TMEM252: variants seen among roughly 807,000 people sequenced by gnomAD.
TMEM252 encodes the protein transmembrane protein C9orf71.
Under a neutral mutation model 6.4 loss-of-function variants are expected in TMEM252, and 4 were observed. The observed-to-expected ratio is 0.62, with a 90% CI of 0.31 to 1.43. TMEM252 has a LOEUF of 1.43. Among genes scored for constraint, TMEM252 ranks in the 40% most tolerant of loss-of-function variants. The probability of loss-of-function intolerance (pLI) is 0.07; values close to 1 mark genes in which losing one functional copy is unlikely to be tolerated. For synonymous variants in TMEM252, 85 were observed against 82.5 expected (o/e 1.03, Z -0.17); for missense variants, 207 against 209.4 (o/e 0.99, Z 0.07).
chr9:68,538,326 T>C (rs1003399393), intron 1 of TMEM252, among the ~76,000 whole-genome samples: 2 of 152,232 alleles, frequency 1.3e-5, no homozygotes, highest in Non-Finnish European at 2.9e-5. Context: ...GGAGTGTTTA[T>C]GGTGTGTAAC....
At chr9:68,540,072 G>C (rs1326260904) in intron 1 of TMEM252, among the ~76,000 whole-genome samples, 5 of 152,176 alleles carry the variant, frequency 3.3e-5, no homozygotes, top group African/African-American at 1.2e-4. Context: ...CACCTAAAAG[G>C]ACAGTAAACT....
chr9:68,538,081 A>G (rs1825162985), intron 1 of TMEM252, among the ~76,000 whole-genome samples: 1 of 152,274 alleles, frequency 6.6e-6, no homozygotes. Context: ...AATGATATCA[A>G]CTGACAACTT....
Position 68,537,280 on chromosome 9 carries a change from C to G in TMEM252, c.492G>C (p.Gln164His), listed in dbSNP as rs1438817062. 6.2e-7 allele frequency: 1 copy of G among 1,603,128 alleles called. No homozygotes were observed. Among genetic ancestry groups the G allele is most frequent in the Non-Finnish European group, 8.5e-7 (1 of 1,176,706 alleles). ...LVVTAISEDA[Q>H]RRGQEC ...TGCCTCAGCACTCTTGGCCTCGCCT[C>G]TGGGCGTCCTCTGAGATTGCTGTCA... The change falls in exon 2 of 2, where the codon CAG becomes CAC. Residue 164 changes from glutamine to histidine, a missense_variant. Gln to His is a conservative substitution (Grantham distance 24). Coordinates refer to ENST00000377311, the MANE Select transcript of TMEM252 (RefSeq NM_153237.2).
intron 1 of TMEM252, among the ~76,000 whole-genome samples, chr9:68,540,103 G>A (rs942955966): frequency 6.6e-6 from 1 of 152,202 alleles, no homozygotes; most frequent in African/African-American, 2.4e-5. Context: ...TGAGCTCACA[G>A]AGATTCCAGG....
At chr9:68,537,976 C>T (rs1825161893) in intron 1 of TMEM252, among the ~76,000 whole-genome samples, 1 of 152,200 alleles carries the variant, frequency 6.6e-6, no homozygotes, top group Admixed American at 6.5e-5. Flanking sequence ...TGTGCTGATC[C>T]CTGAACTATA....
rs199870957 is a variant in TMEM252, at chr9:68,540,533, G to A, written c.278+4C>T. 285 of 1,613,414 alleles carry A rather than the reference G, an allele frequency of 1.8e-4. 1 individual carries two copies. The East Asian group carries it at 5.6e-3, about 32-fold the overall frequency. ...TCTTGGTCCCTCTGCCTGTCAGCACGTACCTGTCTACTGTGGCCACGGGCA... is the reference window on the plus strand; with the variant it reads ...TCTTGGTCCCTCTGCCTGTCAGCACATACCTGTCTACTGTGGCCACGGGCA... On this transcript the variant is annotated splice_donor_region_variant and intron_variant, in intron 1 of 1. Coordinates refer to ENST00000377311, the MANE Select transcript of TMEM252 (RefSeq NM_153237.2).
Position 68,537,268 on chromosome 9 carries a change from T to C in TMEM252, c.504A>G (p.Gln168=). Residue 168 remains glutamine, a synonymous_variant, in exon 2 of 2, where the codon CAA becomes CAG. Transcript: ENST00000377311. ...AISEDAQRRG[Q]EC is the part of the protein sequence containing the mutation. ...GAGAGCTTTCTCTGCCTCAGCACTC[T>C]TGGCCTCGCCTCTGGGCGTCCTCTG... 2 of 1,605,032 alleles carry C rather than the reference T, an allele frequency of 1.2e-6. No homozygotes were observed. Among genetic ancestry groups the C allele is most frequent in the Non-Finnish European group, 1.7e-6 (2 of 1,177,024 alleles).
At chr9:68,537,544 C>CTAAAT in intron 1 of TMEM252, 51 bp from the exon 2 acceptor site, 1 of 1,450,140 alleles carries the variant, frequency 6.9e-7, no homozygotes, top group Non-Finnish European at 9.4e-7. Context: ...GCATTAATGC[C>CTAAAT]AAAGAGGCAG....
At chr9:68,538,020 G>A (rs939952426) in intron 1 of TMEM252, among the ~76,000 whole-genome samples, 12 of 152,142 alleles carry the variant, frequency 7.9e-5, no homozygotes, top group African/African-American at 2.2e-4. Context: ...ACACCCTTTC[G>A]AGACTCAGTA....
Position 68,537,474 on chromosome 9 carries a change from C to T in TMEM252, c.298G>A (p.Ala100Thr). ...TVDRPDFYPP[A>T]YEESLEVEKQ... is the part of the protein sequence containing the mutation. ...TCCACCTCAAGGCTCTCTTCATAAGCTGGAGGGTAAAAGTCTGGCCTAGGG... is the reference window on the plus strand; with the variant it reads ...TCCACCTCAAGGCTCTCTTCATAAGTTGGAGGGTAAAAGTCTGGCCTAGGG... Residue 100 changes from alanine to threonine, a missense_variant, in exon 2 of 2, where the codon GCT (alanine) becomes ACT (threonine). Physicochemically the swap from Ala to Thr is moderately conservative, Grantham distance 58. Transcript: ENST00000377311. 6.3e-7 allele frequency: 1 copy of T among 1,599,924 alleles called. No homozygotes were observed. Among genetic ancestry groups the T allele is most frequent in the Non-Finnish European group, 8.5e-7 (1 of 1,176,222 alleles).
At chr9:68,539,312 C>T (rs1825175927) in intron 1 of TMEM252, among the ~76,000 whole-genome samples, 1 of 152,000 alleles carries the variant, frequency 6.6e-6, no homozygotes, top group Non-Finnish European at 1.5e-5. Context: ...TTAACTGAAT[C>T]TTTTTTTTCT....
chr9:68,539,731 C>A (rs1478507339), intron 1 of TMEM252, among the ~76,000 whole-genome samples: 1 of 152,248 alleles, frequency 6.6e-6, no homozygotes, highest in African/African-American at 2.4e-5. Flanking sequence ...TTGCTACAAG[C>A]ATTGGTGTAC....
Position 68,540,689 on chromosome 9 carries a change from C to G in TMEM252, c.126G>C (p.Ala42=). The change falls in exon 1 of 2, where the codon GCG becomes GCC. Residue 42 remains alanine, a synonymous_variant. Coordinates refer to ENST00000377311, the MANE Select transcript of TMEM252 (RefSeq NM_153237.2). ...ACCCCAGAGGCAGAAGCAAATAGGC[C>G]GCAATCAGGCTCCCCTGACAGTCGA... ...SIFDCQGSLI[A]AYLLLPLGFV... is the part of the protein sequence containing the mutation. 3 of 1,614,078 alleles carry G rather than the reference C, an allele frequency of 1.9e-6. No homozygotes were observed. Among genetic ancestry groups the G allele is most frequent in the Non-Finnish European group, 2.5e-6 (3 of 1,180,012 alleles).
chr9:68,537,638 C>A (rs1587241178), intron 1 of TMEM252, 145 bp from the exon 2 acceptor site: 1 of 647,806 alleles, frequency 1.5e-6, no homozygotes, highest in Non-Finnish European at 2.6e-6. Flanking sequence ...TTCTTCCTGG[C>A]ATCACCAGTT....
Position 68,540,859 on chromosome 9 carries a change from G to C in TMEM252, c.-45C>G. ...AGCACCCTGACCCTGCTGCTCCTCT[G>C]CTTCCCTGCTTGCTCCAAGAGAATG... On this transcript the variant is annotated 5_prime_UTR_variant, in exon 1 of 2. Coordinates refer to ENST00000377311, the MANE Select transcript of TMEM252 (RefSeq NM_153237.2). 6.4e-7 allele frequency: 1 copy of C among 1,573,856 alleles called. No individual in the cohort carries two copies. The highest frequency in any genetic ancestry group is 8.7e-7 in the Non-Finnish European group (1 of 1,150,710).
Position 68,537,191 on chromosome 9 carries a change from T to C in TMEM252, c.*68A>G. On this transcript the variant is annotated 3_prime_UTR_variant, in exon 2 of 2. Coordinates refer to ENST00000377311, the MANE Select transcript of TMEM252 (RefSeq NM_153237.2). The stretch of plus-strand genomic sequence containing the variant: ...GGCTTTTCCTCCCACAGTCCCTCGT[T>C]TGCCTTTATTATCAGTAGCTGCTCC... 1 of 1,401,574 alleles carries C rather than the reference T, an allele frequency of 7.1e-7. No homozygotes were observed. Among genetic ancestry groups the C allele is most frequent in the Non-Finnish European group, 9.8e-7 (1 of 1,019,414 alleles). The allele number at this position is 1,401,574 out of a possible 1,614,324, so 86.8% of individuals were successfully genotyped here.
intron 1 of TMEM252, among the ~76,000 whole-genome samples, chr9:68,539,497 C>T (rs1049383029): frequency 6.6e-6 from 1 of 152,224 alleles, no homozygotes; most frequent in African/African-American, 2.4e-5. Flanking sequence ...CTTTCTGTGT[C>T]TGTGAATTTG....
Position 68,540,533 on chromosome 9 carries a change from G to C in TMEM252, c.278+4C>G. On this transcript the variant is annotated splice_donor_region_variant and intron_variant, in intron 1 of 1. Coordinates refer to ENST00000377311, the MANE Select transcript of TMEM252 (RefSeq NM_153237.2). ...TCTTGGTCCCTCTGCCTGTCAGCAC[G>C]TACCTGTCTACTGTGGCCACGGGCA... 1.9e-6 allele frequency: 3 copies of C among 1,613,414 alleles called. No individual in the cohort carries two copies. Among genetic ancestry groups the C allele is most frequent in the South Asian group, 2.2e-5 (2 of 91,066 alleles).
In TMEM252 at chr9:68,540,851, G is replaced by A. The variant is rs1366974926; in HGVS notation, c.-37C>T. 1.9e-6 allele frequency: 3 copies of A among 1,588,928 alleles called. No homozygotes were observed. Among genetic ancestry groups the A allele is most frequent in the Admixed American group, 1.7e-5 (1 of 59,166 alleles). On this transcript the variant is annotated 5_prime_UTR_variant, in exon 1 of 2. Transcript: ENST00000377311. ...AGGAACCCAGCACCCTGACCCTGCT[G>A]CTCCTCTGCTTCCCTGCTTGCTCCA...
Sources: allele counts gnomAD v4.1 joint callset (sites outside exome capture counted in the v4.1 genomes callset), GRCh38; gene constraint gnomAD v4.1.1; transcripts MANE v1.5; gene names NCBI Gene and HGNC (gene_info 2026-07-23, HGNC 2026-07-21).